Variants in ZNF423 observed in about 807,000 individuals in gnomAD.
ZNF423 encodes the protein Ebf-associated zinc finger protein.
A neutral mutation model predicts 95.8 loss-of-function variants in ZNF423; 12 were observed. The ratio of observed to expected loss-of-function variants is 0.13; its 90% CI spans 0.08 to 0.20. ZNF423 has a LOEUF of 0.20. Among genes scored for constraint, ZNF423 ranks in the 10% least tolerant of loss-of-function variants. ZNF423 has a pLI of 1.00. For missense variants in ZNF423, 1,316 were observed against 1,737.1 expected (o/e 0.76, Z 4.31); for synonymous variants, 749 against 711.9 (o/e 1.05, Z -0.83).
At chr16:49,731,671 T>A (rs1289645028) in intron 2 of ZNF423, among the ~76,000 whole-genome samples, 3 of 151,868 alleles carry the variant, frequency 2.0e-5, no homozygotes, top group Admixed American at 6.6e-5. Context: ...AATTTTTTTT[T>A]AATTAGCCTG....
At chr16:49,652,747 C>T (rs908292805) in intron 3 of ZNF423, among the ~76,000 whole-genome samples, 25 of 152,312 alleles carry the variant, frequency 1.6e-4, no homozygotes, top group African/African-American at 3.8e-4. Context: ...AGCCCACATT[C>T]GGCCGTGTTC....
chr16:49,788,924 A>C (rs986202980), intron 2 of ZNF423, among the ~76,000 whole-genome samples: 1 of 152,194 alleles, frequency 6.6e-6, no homozygotes, highest in Non-Finnish European at 1.5e-5. Context: ...AACTTTACTC[A>C]TCCACCTCTT....
At chr16:49,521,839 A>T (rs1968407519) in intron 7 of ZNF423, among the ~76,000 whole-genome samples, 1 of 152,144 alleles carries the variant, frequency 6.6e-6, no homozygotes, top group Admixed American at 6.5e-5. Context: ...ACAGGACTTG[A>T]CCATCTAATG....
intron 5 of ZNF423, among the ~76,000 whole-genome samples, chr16:49,618,279 A>T (rs1419693859): frequency 6.6e-6 from 1 of 152,224 alleles, no homozygotes; most frequent in South Asian, 2.1e-4. Flanking sequence ...TAACACCTGC[A>T]GATATGGAAA....
At chr16:49,589,468 C>A (rs950429542) in intron 5 of ZNF423, among the ~76,000 whole-genome samples, 2 of 152,026 alleles carry the variant, frequency 1.3e-5, no homozygotes, top group South Asian at 2.1e-4. Context: ...GCATTTTGCT[C>A]AGTATTAACA....
intron 1 of ZNF423, among the ~76,000 whole-genome samples, chr16:49,839,003 G>A (rs2035153376): frequency 6.6e-6 from 1 of 151,604 alleles, no homozygotes; most frequent in Non-Finnish European, 1.5e-5. Flanking sequence ...GTAGCTGGGC[G>A]GGAAGAGCCC....
At chr16:49,524,615 C>T (rs1231161537) in intron 6 of ZNF423, among the ~76,000 whole-genome samples, 2 of 152,180 alleles carry the variant, frequency 1.3e-5, no homozygotes, top group Non-Finnish European at 2.9e-5. Flanking sequence ...TCTGAGGTGG[C>T]CCCAGCCCTG....
rs980817788 is a variant in ZNF423 at position 49,635,276 on chromosome 16, A to G, written c.3516+384T>C. Among the ~76,000 whole-genome samples the G allele has an allele frequency of 6.6e-6, 1 of 152,230 alleles. No individual in the cohort carries two copies. Among genetic ancestry groups the G allele is most frequent in the African/African-American group, 2.4e-5 (1 of 41,456 alleles). ...TAAGCAAATGAGTATGTCATACCCC[A>G]GCTCAACAACAAAGACACAAGCCAC... On this transcript the variant is annotated intron_variant, in intron 4 of 7. Coordinates refer to ENST00000563137, the MANE Select transcript of ZNF423 (RefSeq NM_001379286.1). This position sits in a 1 kb window ranked among gnomAD's most constrained non-coding sequence, Gnocchi z 4.8.
intron 1 of ZNF423, among the ~76,000 whole-genome samples, chr16:49,841,986 C>T: frequency 6.6e-6 from 1 of 152,140 alleles, no homozygotes; most frequent in Non-Finnish European, 1.5e-5. Flanking sequence ...CCTGCAATCC[C>T]AGCACTTTGG....
intron 3 of ZNF423, among the ~76,000 whole-genome samples, chr16:49,654,167 C>T (rs1973516496): frequency 6.6e-6 from 1 of 152,234 alleles, no homozygotes; most frequent in South Asian, 2.1e-4. Flanking sequence ...ATCAAGACCA[C>T]CCACTGTCAT....
chr16:49,579,092 T>A (rs1178361614), intron 5 of ZNF423, among the ~76,000 whole-genome samples: 1 of 152,180 alleles, frequency 6.6e-6, no homozygotes, highest in Non-Finnish European at 1.5e-5. Context: ...CACAGATGGA[T>A]GGATTCAACT....
At chr16:49,504,164 G>C (rs1051348410) in intron 7 of ZNF423, among the ~76,000 whole-genome samples, 3 of 152,212 alleles carry the variant, frequency 2.0e-5, no homozygotes, top group Admixed American at 1.3e-4. Context: ...AAAAGTTCTG[G>C]AGGTAGATGG....
chr16:49,653,017 T>C (rs1200601495), intron 3 of ZNF423, among the ~76,000 whole-genome samples: 2 of 152,214 alleles, frequency 1.3e-5, no homozygotes, highest in Non-Finnish European at 2.9e-5. Flanking sequence ...ATTCATGCAG[T>C]GATGTTTTGT....
rs17281938 is a variant in ZNF423 at position 49,724,532 on chromosome 16, G to A, written c.301+6239C>T. On this transcript the variant is annotated intron_variant, in intron 3 of 7. Transcript: ENST00000563137. ...CCAAAACAGAGCCAGTTCGAGGAGCGCCGCAAGTCAGTAAGGCAGGGAGCC... is the reference window on the plus strand; with the variant it reads ...CCAAAACAGAGCCAGTTCGAGGAGCACCGCAAGTCAGTAAGGCAGGGAGCC... Among the ~76,000 whole-genome samples, 136 of 152,294 alleles carry A rather than the reference G, an allele frequency of 8.9e-4. 1 individual carries two copies. Among genetic ancestry groups the A allele is most frequent in the Admixed American group, 2.5e-3 (38 of 15,312 alleles).
At chr16:49,815,875 AAAAAAAATATATATATAT>A (rs1427268198) in intron 1 of ZNF423, among the ~76,000 whole-genome samples, 4 of 62,132 alleles carry the variant, frequency 6.4e-5, no homozygotes, top group African/African-American at 2.3e-4. Context: ...ACAAACAAAA[AAAAAAAATATATATATAT>A]ATATATATAT....
intron 3 of ZNF423, among the ~76,000 whole-genome samples, chr16:49,685,437 C>T (rs2031526922): frequency 6.6e-6 from 1 of 152,118 alleles, no homozygotes; most frequent in South Asian, 2.1e-4. Context: ...GGACTGACAC[C>T]CCACTGTCCC....
chr16:49,802,748 G>A (rs976994568), intron 1 of ZNF423, among the ~76,000 whole-genome samples: 1 of 152,008 alleles, frequency 6.6e-6, no homozygotes, highest in African/African-American at 2.4e-5. Flanking sequence ...TTGTTTCCTA[G>A]AACAAACGTC....
intron 1 of ZNF423, among the ~76,000 whole-genome samples, chr16:49,816,336 T>TTTTG (rs1284028567): frequency 6.6e-6 from 1 of 152,070 alleles, no homozygotes; most frequent in South Asian, 2.1e-4. Context: ...TCCTGAGTAT[T>TTTTG]TTTGTTTGTT....
intron 7 of ZNF423, chr16:49,518,667 G>A (rs1968259246): frequency 8.1e-6 from 3 of 372,288 alleles, no homozygotes; most frequent in Admixed American, 8.0e-5. Context: ...GTTTTCTATG[G>A]CGATATATTT....
Sources: gnomAD v4.1 joint callset for allele counts (sites outside exome capture counted in the v4.1 genomes callset) on GRCh38, gnomAD v4.1.1 for gene constraint, Gnocchi (gnomAD v3.1) non-coding constraint, MANE v1.5 for transcripts, NCBI Gene and HGNC (gene_info 2026-07-23, HGNC 2026-07-21) for gene names.